NRG1: variants seen among roughly 807,000 people sequenced by gnomAD.
NRG1 encodes the protein neuregulin 1.
A neutral mutation model predicts 63.8 loss-of-function variants in NRG1; 18 were observed. The observed-to-expected ratio is 0.28, with a 90% CI of 0.19 to 0.42. NRG1 has a LOEUF of 0.42. NRG1 is among the 10% of genes least tolerant of loss of function. The pLI is 1.00. For missense variants in NRG1, 762 were observed against 814.7 expected (o/e 0.94, Z 0.79); for synonymous variants, 302 against 301.3 (o/e 1.00, Z -0.02).
At chr8:32,109,137 T>C (rs12056821) in intron 1 of NRG1, among the ~76,000 whole-genome samples, 4 of 152,048 alleles carry the variant, frequency 2.6e-5, no homozygotes, top group Non-Finnish European at 5.9e-5. Context: ...GCCATGATAA[T>C]AGAAAAGCTT....
At position 31,893,574 on chromosome 8, in the gene NRG1, T is replaced by A. The variant is rs528049370; in HGVS notation, c.37+254143T>A. Among the ~76,000 whole-genome samples, 77 of 151,512 alleles carry A rather than the reference T, an allele frequency of 5.1e-4. 1 individual carries two copies. The highest frequency in any genetic ancestry group is 1.6e-3 in the African/African-American group (67 of 41,488). On this transcript the variant is annotated intron_variant, in intron 1 of 10. Transcript: ENST00000519301. ...GCATATAACATGCTCATATAAATAA[T>A]AAAAAAATCATAAGAGAAAACAAGA...
intron 3 of NRG1, among the ~76,000 whole-genome samples, chr8:32,613,764 CAAAAGTGT>C (rs1345374025): frequency 2.0e-5 from 3 of 151,970 alleles, no homozygotes; most frequent in Non-Finnish European, 4.4e-5. Context: ...TGTACCTTTC[CAAAAGTGT>C]TAGATTCTGC....
intron 1 of NRG1, among the ~76,000 whole-genome samples, chr8:31,898,932 C>T (rs527416622): frequency 6.6e-6 from 1 of 152,198 alleles, no homozygotes; most frequent in Admixed American, 6.5e-5. Flanking sequence ...GTTTCTCCTT[C>T]ACTCTCTGCA....
intron 1 of NRG1, among the ~76,000 whole-genome samples, chr8:32,109,498 G>A (rs1333386526): frequency 6.6e-6 from 1 of 152,168 alleles, no homozygotes; most frequent in African/African-American, 2.4e-5. Flanking sequence ...GAGAATCCAT[G>A]TATTTTGTTT....
chr8:31,983,572 G>T (rs1010887250), intron 1 of NRG1, among the ~76,000 whole-genome samples: 1 of 151,868 alleles, frequency 6.6e-6, no homozygotes, highest in Non-Finnish European at 1.5e-5. Context: ...TGCAGAAATG[G>T]GATCTTGCTA....
At chr8:32,476,202 TA>T (rs934413944) in intron 1 of NRG1, among the ~76,000 whole-genome samples, 6 of 151,936 alleles carry the variant, frequency 3.9e-5, no homozygotes, top group African/African-American at 1.2e-4. Context: ...TAAAGACAAA[TA>T]GGGGAAAAAA....
intron 1 of NRG1, among the ~76,000 whole-genome samples, chr8:32,519,107 CTT>C (rs1212810451): frequency 5.3e-5 from 8 of 152,038 alleles, no homozygotes; most frequent in African/African-American, 1.9e-4. Flanking sequence ...ATGAAATAGA[CTT>C]ACACTTAAAT....
chr8:31,932,439 T>A (rs1474865814), intron 1 of NRG1, among the ~76,000 whole-genome samples: 1 of 152,232 alleles, frequency 6.6e-6, no homozygotes, highest in Non-Finnish European at 1.5e-5. Context: ...AGGAGTTGGT[T>A]GAATCCTTCT....
intron 1 of NRG1, among the ~76,000 whole-genome samples, chr8:32,082,679 C>G (rs964026621): frequency 6.6e-6 from 1 of 152,120 alleles, no homozygotes; most frequent in Admixed American, 6.5e-5. Context: ...GCTACCTGAC[C>G]TCATAGACAT....
At chr8:31,847,035 G>T (rs549550822) in intron 1 of NRG1, among the ~76,000 whole-genome samples, 1 of 152,176 alleles carries the variant, frequency 6.6e-6, no homozygotes, top group East Asian at 1.9e-4. Flanking sequence ...GATAAGTTCT[G>T]CTACCTAAAG....
At chr8:32,013,880 A>T (rs1280560493) in intron 1 of NRG1, among the ~76,000 whole-genome samples, 2 of 152,238 alleles carry the variant, frequency 1.3e-5, no homozygotes, top group African/African-American at 4.8e-5. Context: ...AGAAGGTGGG[A>T]GTCATGAGAA....
intron 1 of NRG1, among the ~76,000 whole-genome samples, chr8:32,215,204 A>G (rs546330934): frequency 6.6e-6 from 1 of 152,360 alleles, no homozygotes; most frequent in African/African-American, 2.4e-5. Flanking sequence ...TTGTATTTGT[A>G]TAAGGCAACA....
intron 1 of NRG1, among the ~76,000 whole-genome samples, chr8:31,667,240 G>A (rs943728905): frequency 6.6e-6 from 1 of 152,216 alleles, no homozygotes; most frequent in African/African-American, 2.4e-5. Flanking sequence ...ATTAGGAGAT[G>A]AGTAAAGATC....
At chr8:32,307,708 T>C (rs1183909955) in intron 1 of NRG1, among the ~76,000 whole-genome samples, 1 of 151,978 alleles carries the variant, frequency 6.6e-6, no homozygotes, top group Non-Finnish European at 1.5e-5. Context: ...AGGCATGAAG[T>C]TGCTTTGAGA....
intron 1 of NRG1, among the ~76,000 whole-genome samples, chr8:32,231,795 G>A (rs1013815231): frequency 2.6e-5 from 4 of 151,672 alleles, no homozygotes; most frequent in Admixed American, 6.6e-5. Flanking sequence ...TCAGCAACTC[G>A]GGAGGCTGAG....
At chr8:32,486,707 C>G (rs759811229) in intron 1 of NRG1, among the ~76,000 whole-genome samples, 7 of 151,488 alleles carry the variant, frequency 4.6e-5, no homozygotes, top group Non-Finnish European at 8.8e-5. Context: ...ACACTGCAAC[C>G]TCCACCTCCT....
intron 1 of NRG1, among the ~76,000 whole-genome samples, chr8:31,910,308 G>A (rs913625223): frequency 1.3e-5 from 2 of 152,180 alleles, no homozygotes; most frequent in African/African-American, 4.8e-5. Context: ...AATGGAATGA[G>A]ATGAAAATGG....
chr8:32,558,298 T>C (rs1270709165), intron 1 of NRG1, among the ~76,000 whole-genome samples: 1 of 152,234 alleles, frequency 6.6e-6, no homozygotes, highest in African/African-American at 2.4e-5. Context: ...ATATTATGCA[T>C]TCGGTTTTCA....
intron 1 of NRG1, among the ~76,000 whole-genome samples, chr8:31,870,253 A>G (rs1014860012): frequency 1.3e-5 from 2 of 152,144 alleles, no homozygotes; most frequent in African/African-American, 4.8e-5. Flanking sequence ...ATGTAGTCAG[A>G]TGGTAAATTT....
Sources: allele counts gnomAD v4.1 joint callset (sites outside exome capture counted in the v4.1 genomes callset), GRCh38; gene constraint gnomAD v4.1.1; transcripts MANE v1.5; gene names NCBI Gene and HGNC (gene_info 2026-07-23, HGNC 2026-07-21).